Variants in CHD1 observed in about 807,000 individuals in gnomAD.
The protein encoded by CHD1 is chromodomain helicase DNA binding protein 1, also known as ATP-dependent chromatin remodeler CHD1.
A neutral mutation model predicts 224.2 loss-of-function variants in CHD1; 36 were observed. The observed-to-expected ratio is 0.16, with a 90% confidence interval of 0.12 to 0.21. The LOEUF (loss-of-function observed/expected upper bound fraction) is 0.21. Among genes scored for constraint, CHD1 ranks in the 10% least tolerant of loss-of-function variants. The probability of loss-of-function intolerance (pLI) is 1.00; values close to 1 mark genes in which losing one functional copy is unlikely to be tolerated. For missense variants in CHD1, 1,378 were observed against 1,994.8 expected (o/e 0.69, Z 5.89); for synonymous variants, 668 against 658.3 (o/e 1.01, Z -0.23).
chr5:98,858,889 ATT>A, intron 34 of CHD1, 73 bp downstream of exon 34: 4 of 905,778 alleles, frequency 4.4e-6, no homozygotes, highest in Non-Finnish European at 6.4e-6. Flanking sequence ...CTTTTTTATC[ATT>A]TGGTTTATTT....
At chr5:98,916,719 T>G (rs1204586402) in intron 2 of CHD1, among the ~76,000 whole-genome samples, 1 of 152,168 alleles carries the variant, frequency 6.6e-6, no homozygotes, top group Non-Finnish European at 1.5e-5. Context: ...GTACTGCACC[T>G]AAGAAAAAAC....
At position 98,899,516 on chromosome 5, in the gene CHD1, T is replaced by A. The variant is rs761183209; in HGVS notation, c.1049A>T (p.Asp350Val). 3.0e-5 allele frequency: 48 copies of A among 1,612,790 alleles called. No homozygotes were observed. The highest frequency in any genetic ancestry group is 4.1e-5 in the Non-Finnish European group (48 of 1,179,322). The change falls in exon 8 of 36, where the codon GAT (aspartate) becomes GTT (valine). Residue 350 changes from aspartate to valine, a missense_variant. Asp to Val is a radical substitution (Grantham distance 152). Around this residue, in one of 16 missense-constraint regions of CHD1, gnomAD observed 15 missense variants for 16.2 expected, o/e 0.93. Coordinates refer to ENST00000614616, the MANE Select transcript of CHD1 (RefSeq NM_001270.4). ...TTCCTGATCTTTTTTCTTATAATTATCCAATTTTTTCATTCCTCTAACATT... is the reference window on the plus strand; with the variant it reads ...TTCCTGATCTTTTTTCTTATAATTAACCAATTTTTTCATTCCTCTAACATT... ...QQNVRGMKKLDNYKKKDQETK... is the reference protein window; with the variant it reads ...QQNVRGMKKLVNYKKKDQETK...
chr5:98,881,184 A>C lies in CHD1; in HGVS notation c.2965-13T>G. 6.4e-7 allele frequency: 1 copy of C among 1,551,000 alleles called. No homozygotes were observed. Among genetic ancestry groups the C allele is most frequent in the South Asian group, 1.2e-5 (1 of 85,334 alleles). ...CTATATCCATTTCCTATAATTAAAA[A>C]GACAATATTTAAATATACTTGAATC... On this transcript the variant is annotated splice_polypyrimidine_tract_variant and intron_variant, in intron 21 of 35. Transcript: ENST00000614616.
At chr5:98,863,284 C>T (rs999063837) in intron 32 of CHD1, 124 bp downstream of exon 32, 15 of 520,294 alleles carry the variant, frequency 2.9e-5, no homozygotes, top group Non-Finnish European at 4.7e-5. Context: ...AAACAATCAT[C>T]TGTAGGTTAC....
In CHD1 at chr5:98,901,216, T is replaced by C. The variant is rs776290727; in HGVS notation, c.557A>G (p.Asn186Ser). ...DETESDYEPK[N>S]KVKSRKPQNR... Reference sequence around the variant, plus strand: ...TTGAGGTTTTCTGCTTTTGACTTTGTTTTTTGGCTCATAATCAGATTCTGT... The same window carrying C: ...TTGAGGTTTTCTGCTTTTGACTTTGCTTTTTGGCTCATAATCAGATTCTGT... Residue 186 changes from asparagine (N) to serine (S), a missense_variant, in exon 6 of 36, where the codon AAC becomes AGC. Physicochemically the swap from Asn to Ser is conservative, Grantham distance 46. Transcript: ENST00000614616. 2 of 1,612,516 alleles carry C rather than the reference T, an allele frequency of 1.2e-6. No individual in the cohort carries two copies. Among genetic ancestry groups the C allele is most frequent in the Non-Finnish European group, 1.7e-6 (2 of 1,179,568 alleles).
chr5:98,918,638 C>T (rs1182999146), intron 2 of CHD1, among the ~76,000 whole-genome samples: 2 of 150,622 alleles, frequency 1.3e-5, no homozygotes, highest in South Asian at 2.1e-4. Context: ...CATGGTGACG[C>T]GTGCCTGTAA....
chr5:98,906,289 A>G (rs1427368653), intron 2 of CHD1, among the ~76,000 whole-genome samples: 1 of 152,184 alleles, frequency 6.6e-6, no homozygotes, highest in Admixed American at 6.5e-5. Flanking sequence ...TTAAAGGCAT[A>G]TGCTATGAAG....
intron 2 of CHD1, among the ~76,000 whole-genome samples, chr5:98,916,876 C>T (rs936038155): frequency 6.6e-6 from 1 of 152,080 alleles, no homozygotes; most frequent in African/African-American, 2.4e-5. Context: ...AATTTTGGTA[C>T]CCCTTATACA....
intron 31 of CHD1, among the ~76,000 whole-genome samples, chr5:98,867,592 A>G (rs1656465011): frequency 6.6e-6 from 1 of 152,076 alleles, no homozygotes; most frequent in Admixed American, 6.5e-5. Flanking sequence ...TTATTTTTTA[A>G]TGGCATTGGG....
chr5:98,866,491 G>A (rs917546921), intron 31 of CHD1, among the ~76,000 whole-genome samples: 8 of 152,166 alleles, frequency 5.3e-5, no homozygotes, highest in African/African-American at 1.9e-4. Flanking sequence ...AAGAGGATAA[G>A]CTGGGGATCT....
chr5:98,898,214 T>C, intron 10 of CHD1, 42 bp downstream of exon 10: 2 of 1,083,626 alleles, frequency 1.8e-6, no homozygotes, highest in Non-Finnish European at 2.5e-6. Flanking sequence ...TTATAATGTA[T>C]AAATATATTT....
At chr5:98,896,548 G>C in intron 11 of CHD1, 106 bp from the exon 12 acceptor site, 1 of 710,672 alleles carries the variant, frequency 1.4e-6, no homozygotes, top group Non-Finnish European at 2.3e-6. Context: ...AAAATTGATA[G>C]GTATTATATA....
chr5:98,901,749 T>TAAA (rs34642604), intron 5 of CHD1, among the ~76,000 whole-genome samples: 1 of 141,822 alleles, frequency 7.1e-6, no homozygotes, highest in Non-Finnish European at 1.5e-5. Flanking sequence ...ATAGAAAAAT[T>TAAA]AAAAAAAAAA....
intron 30 of CHD1, 144 bp from the exon 31 acceptor site, chr5:98,868,779 G>T (rs1270517128): frequency 1.2e-6 from 1 of 835,736 alleles, no homozygotes; most frequent in Non-Finnish European, 1.7e-6. Flanking sequence ...ATTTTAATTT[G>T]TTTTTTTCCC....
chr5:98,878,886 G>A lies in CHD1; in HGVS notation c.3237+666C>T, dbSNP rs112068582. On this transcript the variant is annotated intron_variant, in intron 23 of 35. Coordinates refer to ENST00000614616, the MANE Select transcript of CHD1 (RefSeq NM_001270.4). ...AGAAAAATTTGTAGCATTAAATGCC[G>A]ATATTAGAAAAGAGAGATTACATTT... Among the ~76,000 whole-genome samples the A allele has an allele frequency of 4.4e-3, 671 of 152,300 alleles. 3 individuals are homozygous for A. The highest frequency in any genetic ancestry group is 6.8e-3 in the Middle Eastern group (2 of 294).
intron 32 of CHD1, among the ~76,000 whole-genome samples, chr5:98,862,116 A>G (rs889199202): frequency 1.1e-4 from 16 of 152,154 alleles, no homozygotes; most frequent in Non-Finnish European, 1.5e-5. Flanking sequence ...GAGATTCGCC[A>G]CTGCACTCCA....
chr5:98,910,273 A>T (rs937895425), intron 2 of CHD1, among the ~76,000 whole-genome samples: 1 of 152,154 alleles, frequency 6.6e-6, no homozygotes, highest in African/African-American at 2.4e-5. Context: ...TTCAATTTTA[A>T]TAGTTTCAAA....
intron 3 of CHD1, 89 bp downstream of exon 3, chr5:98,904,808 G>A: frequency 8.8e-7 from 1 of 1,130,426 alleles, no homozygotes; most frequent in South Asian, 1.3e-5. Flanking sequence ...TTCTCTAAAA[G>A]CTAGATTAAG....
chr5:98,856,832 G>A, intron 35 of CHD1, 107 bp from the exon 36 acceptor site: 3 of 755,484 alleles, frequency 4.0e-6, no homozygotes, highest in Non-Finnish European at 6.3e-6. Flanking sequence ...GTTTTTAATT[G>A]TATAGAAATT....
Sources: gnomAD v4.1 joint callset for allele counts (sites outside exome capture counted in the v4.1 genomes callset) on GRCh38, gnomAD v4.1.1 for gene constraint, gnomAD v4.1.1 regional missense constraint, MANE v1.5 for transcripts, NCBI Gene and HGNC (gene_info 2026-07-23, HGNC 2026-07-21) for gene names.